The following SDC2 variants were observed in gnomAD, a reference collection of about 807,000 sequenced individuals.
SDC2 encodes the protein syndecan 2, also known as syndecan-2.
SDC2 carries 13 observed loss-of-function variants against 22.2 expected under a neutral mutation model. The observed-to-expected ratio is 0.59, with a 90% CI of 0.38 to 0.93. The LOEUF is 0.93. SDC2 is among the 40% of genes least tolerant of loss of function. SDC2 has a pLI of 0.00. For missense variants in SDC2, 235 were observed against 246.8 expected (o/e 0.95, Z 0.32); for synonymous variants, 94 against 92.8 (o/e 1.01, Z -0.07).
At chr8:96,591,157 A>T (rs181617752) in intron 1 of SDC2, among the ~76,000 whole-genome samples, 1 of 152,216 alleles carries the variant, frequency 6.6e-6, no homozygotes, top group South Asian at 2.1e-4. Flanking sequence ...CAATTTACAC[A>T]TAGGGATTAA....
At chr8:96,510,172 A>C in intron 1 of SDC2, among the ~76,000 whole-genome samples, 1 of 152,206 alleles carries the variant, frequency 6.6e-6, no homozygotes, top group African/African-American at 2.4e-5. Context: ...GAAAAATTGC[A>C]TGTTTTACTG....
intron 1 of SDC2, among the ~76,000 whole-genome samples, chr8:96,550,532 G>C (rs577984127): frequency 4.6e-4 from 70 of 151,938 alleles, no homozygotes; most frequent in Admixed American, 1.6e-3. Context: ...TATTATTATT[G>C]TTAACTCACA....
At chr8:96,516,503 G>C (rs550205650) in intron 1 of SDC2, among the ~76,000 whole-genome samples, 7 of 152,100 alleles carry the variant, frequency 4.6e-5, no homozygotes, top group African/African-American at 1.7e-4. Context: ...TTGTGCAACA[G>C]TGACCACAAT....
At chr8:96,538,345 A>G (rs184971856) in intron 1 of SDC2, among the ~76,000 whole-genome samples, 123 of 152,330 alleles carry the variant, frequency 8.1e-4, no homozygotes, top group African/African-American at 2.8e-3. Context: ...AAATGTGTCA[A>G]AAATATGAAT....
chr8:96,512,648 T>C lies in SDC2; in HGVS notation c.60+18317T>C, dbSNP rs149952177. ...CCAGATGTGGGGGCATTGGGGGCTA[T>C]TTACTGTCGAGTTAGTCAAGCATGG... On this transcript the variant is annotated intron_variant, in intron 1 of 4. Transcript: ENST00000302190. Among the ~76,000 whole-genome samples, 24 of 152,272 alleles carry C rather than the reference T, an allele frequency of 1.6e-4. No homozygotes were observed. In the East Asian group the frequency reaches 4.6e-3, roughly 29 times the overall value.
At chr8:96,559,374 G>A (rs532474240) in intron 1 of SDC2, among the ~76,000 whole-genome samples, 3 of 152,324 alleles carry the variant, frequency 2.0e-5, no homozygotes, top group African/African-American at 7.2e-5. Context: ...GTTGTCTGTT[G>A]TTAAAAGGTG....
intron 3 of SDC2, among the ~76,000 whole-genome samples, chr8:96,607,506 T>C (rs2437782): frequency 0.96 from 146,348 of 152,314 alleles, 70,620 homozygotes; most frequent in African/African-American, 0.99. Context: ...GAAAAGGAGG[T>C]TGATCTGATT....
intron 1 of SDC2, among the ~76,000 whole-genome samples, chr8:96,567,408 A>C (rs1014874275): frequency 2.0e-4 from 30 of 152,334 alleles, no homozygotes; most frequent in Middle Eastern, 3.4e-3. Context: ...GGTTATATGA[A>C]TTAATCGTGT....
At chr8:96,594,168 C>T (rs1417191466) in intron 2 of SDC2, among the ~76,000 whole-genome samples, 1 of 152,126 alleles carries the variant, frequency 6.6e-6, no homozygotes, top group African/African-American at 2.4e-5. Flanking sequence ...TGTTACCACT[C>T]TAAGGCTACA....
chr8:96,580,589 T>G (rs1396937334), intron 1 of SDC2: 31 of 886,646 alleles, frequency 3.5e-5, no homozygotes, highest in Non-Finnish European at 4.1e-5. Context: ...CTGAAGCAGT[T>G]AAATCTATTA....
rs1357995826 is a variant in SDC2 at position 96,610,710 on chromosome 8, G to A, written c.*1162G>A. 1 of 152,562 alleles carries A rather than the reference G, an allele frequency of 6.6e-6. No individual in the cohort carries two copies. Among genetic ancestry groups the A allele is most frequent in the East Asian group, 1.9e-4 (1 of 5,186 alleles). 9.5% of individuals were successfully genotyped at this position (152,562 alleles called of 1,614,324 possible). On this transcript the variant is annotated 3_prime_UTR_variant, in exon 5 of 5. Coordinates refer to ENST00000302190, the MANE Select transcript of SDC2 (RefSeq NM_002998.4). The stretch of plus-strand genomic sequence containing the variant: ...ATCTCCCCTTTGCTAACGGCCGTCT[G>A]CTCTCAAGGATGACGTGGGTTTGAT...
intron 1 of SDC2, among the ~76,000 whole-genome samples, chr8:96,523,070 G>T (rs115368351): frequency 0.011 from 1,627 of 152,262 alleles, 34 homozygotes; most frequent in African/African-American, 0.037. Context: ...TTTCTCCGAG[G>T]AGTTATTAAT....
chr8:96,590,367 T>C (rs761732252), intron 1 of SDC2, among the ~76,000 whole-genome samples: 3 of 152,224 alleles, frequency 2.0e-5, no homozygotes, highest in Non-Finnish European at 2.9e-5. Flanking sequence ...TCGTCCAGCG[T>C]CTCGGTCCCA....
At chr8:96,570,242 G>C (rs1035257800) in intron 1 of SDC2, among the ~76,000 whole-genome samples, 3 of 152,176 alleles carry the variant, frequency 2.0e-5, no homozygotes, top group African/African-American at 7.2e-5. Flanking sequence ...GCTCTGCTTA[G>C]TCTTCCTGTA....
intron 1 of SDC2, among the ~76,000 whole-genome samples, chr8:96,538,333 G>C (rs2130504979): frequency 6.6e-6 from 1 of 152,204 alleles, no homozygotes; most frequent in South Asian, 2.1e-4. Context: ...AAGTCAATAT[G>C]AAAATGTGTC....
At chr8:96,519,933 A>C (rs1009152296) in intron 1 of SDC2, among the ~76,000 whole-genome samples, 1 of 152,196 alleles carries the variant, frequency 6.6e-6, no homozygotes, top group Non-Finnish European at 1.5e-5. Flanking sequence ...CGGCGTTAGA[A>C]GTAGTAGTAT....
chr8:96,540,144 A>G (rs1167912871), intron 1 of SDC2, among the ~76,000 whole-genome samples: 1 of 151,560 alleles, frequency 6.6e-6, no homozygotes, highest in East Asian at 1.9e-4. Flanking sequence ...TCAGAATCTC[A>G]AGGAGGGGAG....
At chr8:96,498,431 T>G (rs973857838) in intron 1 of SDC2, among the ~76,000 whole-genome samples, 2 of 151,696 alleles carry the variant, frequency 1.3e-5, no homozygotes, top group Non-Finnish European at 2.9e-5. Context: ...TGCAAAGAAG[T>G]CGGGGTTTGG....
intron 1 of SDC2, among the ~76,000 whole-genome samples, chr8:96,555,557 C>T (rs563698153): frequency 1.3e-5 from 2 of 152,240 alleles, no homozygotes; most frequent in Admixed American, 1.3e-4. Flanking sequence ...GAACAAATAC[C>T]AGTATGAGGG....
Sources: gnomAD v4.1 joint callset for allele counts (sites outside exome capture counted in the v4.1 genomes callset) on GRCh38, gnomAD v4.1.1 for gene constraint, MANE v1.5 for transcripts, NCBI Gene and HGNC (gene_info 2026-07-23, HGNC 2026-07-21) for gene names.